Variants in APOBR observed in about 807,000 individuals in gnomAD.
The protein encoded by APOBR is apolipoprotein B receptor.
APOBR carries 57 observed loss-of-function variants against 88.5 expected under a neutral mutation model. That is an observed-to-expected ratio of 0.64 (90% confidence interval 0.52 to 0.80). The LOEUF (loss-of-function observed/expected upper bound fraction) is 0.80. Among genes scored for constraint, APOBR ranks in the 30% least tolerant of loss-of-function variants. APOBR has a pLI of 0.00. For missense variants in APOBR, 1,443 were observed against 1,401.6 expected (o/e 1.03, Z -0.47); for synonymous variants, 588 against 572.7 (o/e 1.03, Z -0.38).
rs1319676573 is a variant in APOBR at position 28,497,827 on chromosome 16, G to A, written c.2786G>A (p.Arg929Lys). 3 of 1,608,570 alleles carry A rather than the reference G, an allele frequency of 1.9e-6. No individual in the cohort carries two copies. Among genetic ancestry groups the A allele is most frequent in the African/African-American group, 1.3e-5 (1 of 74,864 alleles). ...AEGLMVTGGR[R>K]AEAKETEPES... ...GGTCTCATGGTGACCGGGGGCCGGA[G>A]GGCAGAGGCCAAGGAGACTGAGCCA... Residue 929 changes from arginine (R) to lysine (K), a missense_variant, in exon 2 of 4, where the codon AGG becomes AAG. Transcript: ENST00000564831.
In APOBR at chr16:28,495,481, G is replaced by A. The variant is rs2046381987; in HGVS notation, c.440G>A (p.Gly147Glu). Reference protein sequence around the residue: ...EARKKSKAGSGACQDRSGQAQ... With the variant: ...EARKKSKAGSEACQDRSGQAQ... The stretch of plus-strand genomic sequence containing the variant: ...AGAAAGAAATCCAAGGCAGGGTCTG[G>A]GGCTTGCCAAGACAGGAGCGGCCAA... The change falls in exon 2 of 4, where the codon GGG becomes GAG. Residue 147 changes from glycine (G) to glutamate (E), a missense_variant. Gly to Glu is a moderately conservative substitution (Grantham distance 98). Coordinates refer to ENST00000564831, the MANE Select transcript of APOBR (RefSeq NM_018690.4). 6.4e-7 allele frequency: 1 copy of A among 1,565,230 alleles called. No homozygotes were observed. Among genetic ancestry groups the A allele is most frequent in the African/African-American group, 1.4e-5 (1 of 73,834 alleles).
rs1318790854 is a variant in APOBR, at chr16:28,498,071, T to A, written c.2956-10T>A. ...CGGCCCCATGGTCCTCTGTGCCCCC[T>A]TTCCTGCAGGCCCCGCTCCCCGGGT... is the stretch of plus-strand genomic sequence containing the variant. On this transcript the variant is annotated splice_polypyrimidine_tract_variant and intron_variant, in intron 2 of 3. Transcript: ENST00000564831. The A allele has an allele frequency of 5.8e-6, 9 of 1,543,350 alleles. No homozygotes were observed. In the Admixed American group the frequency reaches 1.6e-4, roughly 27 times the overall value.
Position 28,498,168 on chromosome 16 carries a change from C to T in APOBR, c.3043C>T (p.Pro1015Ser), listed in dbSNP as rs778125472. Residue 1015 changes from proline (P) to serine (S), a missense_variant, in exon 3 of 4, where the codon CCC becomes TCC. Pro to Ser is a moderately conservative substitution (Grantham distance 74, BLOSUM62 -1). Transcript: ENST00000564831. ...AAGCTCCTCACAGCGTCGCTCCCGG[C>T]CCTCTTTTCGTCGGACTCCGGCCTG... ...SRSSSQRRSR[P>S]SFRRTPAWEQ... 6.2e-7 allele frequency: 1 copy of T among 1,601,916 alleles called. No individual in the cohort carries two copies. Among genetic ancestry groups the T allele is most frequent in the Non-Finnish European group, 8.5e-7 (1 of 1,179,154 alleles).
chr16:28,495,904 G>A lies in APOBR; in HGVS notation c.863G>A (p.Gly288Asp). 1 of 1,612,418 alleles carries A rather than the reference G, an allele frequency of 6.2e-7. No individual in the cohort carries two copies. Among genetic ancestry groups the A allele is most frequent in the Non-Finnish European group, 8.5e-7 (1 of 1,179,276 alleles). Reference protein sequence around the residue: ...LGREEARTTPGREEARAILDG... With the variant: ...LGREEARTTPDREEARAILDG... ...AGAGAGGAGGCCAGGACAACCCCAGGTAGGGAAGAGGCCAGGGCAATTTTA... is the reference window on the plus strand; with the variant it reads ...AGAGAGGAGGCCAGGACAACCCCAGATAGGGAAGAGGCCAGGGCAATTTTA... Residue 288 changes from glycine to aspartate, a missense_variant, in exon 2 of 4, where the codon GGT (glycine) becomes GAT (aspartate). Transcript: ENST00000564831.
Position 28,496,251 on chromosome 16 carries a change from G to A in APOBR, c.1210G>A (p.Gly404Arg), listed in dbSNP as rs1250951493. 2 of 1,604,030 alleles carry A rather than the reference G, an allele frequency of 1.2e-6. No homozygotes were observed. The highest frequency in any genetic ancestry group is 8.5e-7 in the Non-Finnish European group (1 of 1,175,652). ...VPGERLLEAT[G>R]KVWVLEEEGD... ...AGGAGAAAGGCTCCTAGAGGCTACTGGAAAAGTCTGGGTCCTAGAGGAGGA... is the reference window on the plus strand; with the variant it reads ...AGGAGAAAGGCTCCTAGAGGCTACTAGAAAAGTCTGGGTCCTAGAGGAGGA... The change falls in exon 2 of 4, where the codon GGA becomes AGA. Residue 404 changes from glycine (G) to arginine (R), a missense_variant. Physicochemically the swap from Gly to Arg is moderately radical, Grantham distance 125 (BLOSUM62 -2). Transcript: ENST00000564831.
Position 28,497,285 on chromosome 16 carries a change from C to T in APOBR, c.2244C>T (p.Gly748=), listed in dbSNP as rs1356702557. 3.1e-6 allele frequency: 5 copies of T among 1,591,970 alleles called. No individual in the cohort carries two copies. Among genetic ancestry groups the T allele is most frequent in the Admixed American group, 1.8e-5 (1 of 55,376 alleles). Residue 748 remains glycine (G), a synonymous_variant, in exon 2 of 4, where the codon GGC becomes GGT. Coordinates refer to ENST00000564831, the MANE Select transcript of APOBR (RefSeq NM_018690.4). ...GGAGGCTGCAAGCGGTGGCTGTGGG[C>T]CTCCCGGACCGTGAGGATGCACAGA... ...RGWRLQAVAV[G]LPDREDAQTG...
At position 28,497,041 on chromosome 16, in the gene APOBR, A is replaced by T; in HGVS notation, c.2000A>T (p.Glu667Val). ...GCGGCTGAGGCTGAAGGAGACCGAGAGTCTGAACTATCAGAAGTCCCAGAG... is the reference window on the plus strand; with the variant it reads ...GCGGCTGAGGCTGAAGGAGACCGAGTGTCTGAACTATCAGAAGTCCCAGAG... ...TLAAEAEGDRESELSEVPEAG... is the reference protein window; with the variant it reads ...TLAAEAEGDRVSELSEVPEAG... The change falls in exon 2 of 4, where the codon GAG becomes GTG. Residue 667 changes from glutamate (E) to valine (V), a missense_variant. Transcript: ENST00000564831. 1.9e-6 allele frequency: 3 copies of T among 1,587,314 alleles called. No homozygotes were observed. The South Asian group carries it at 3.4e-5, about 18-fold the overall frequency.
chr16:28,497,917 C>A lies in APOBR; in HGVS notation c.2876C>A (p.Ala959Glu), dbSNP rs201246198. 3 of 1,613,498 alleles carry A rather than the reference C, an allele frequency of 1.9e-6. No homozygotes were observed. The South Asian group carries it at 3.3e-5, about 18-fold the overall frequency. The change falls in exon 2 of 4, where the codon GCG becomes GAG. Residue 959 changes from alanine to glutamate, a missense_variant. By Grantham distance (107) the Ala-to-Glu change is moderately radical. Transcript: ENST00000564831. ...QPTHQAPAEAAPESVGEAETA... is the reference protein window; with the variant it reads ...QPTHQAPAEAEPESVGEAETA... ...ACACACCAGGCCCCTGCAGAAGCTG[C>A]GCCGGAGTCAGTCGGGGAAGCCGAG...
rs977089132 is a variant in APOBR, at chr16:28,495,340, C to G, written c.299C>G (p.Thr100Ser). Residue 100 changes from threonine to serine, a missense_variant, in exon 2 of 4, where the codon ACC becomes AGC. Thr to Ser is a moderately conservative substitution (Grantham distance 58, BLOSUM62 1). Transcript: ENST00000564831. ...GTGGGGAGCTCAGCTGTAGAACAGA[C>G]CTGGGGCTGGGGAGATGGCAGCTCC... ...HEVGSSAVEQTWGWGDGSSHG... is the reference protein window; with the variant it reads ...HEVGSSAVEQSWGWGDGSSHG... 8.3e-6 allele frequency: 13 copies of G among 1,556,922 alleles called. No homozygotes were observed. Among genetic ancestry groups the G allele is most frequent in the Non-Finnish European group, 1.1e-5 (13 of 1,151,234 alleles).
rs562680601 is a variant in APOBR, at chr16:28,496,866, G to A, written c.1825G>A (p.Ala609Thr). 27 of 1,559,414 alleles carry A rather than the reference G, an allele frequency of 1.7e-5. No homozygotes were observed. The highest frequency in any genetic ancestry group is 3.3e-4 in the Middle Eastern group (2 of 5,984). Residue 609 changes from alanine to threonine, a missense_variant, in exon 2 of 4, where the codon GCG (alanine) becomes ACG (threonine). By Grantham distance (58) the Ala-to-Thr change is moderately conservative. Coordinates refer to ENST00000564831, the MANE Select transcript of APOBR (RefSeq NM_018690.4). ...ERSLEAGPRH[A>T]GSVKPEASEA... ...GAGCCTGGAGGCAGGTCCCAGGCAC[G>A]CGGGGTCTGTAAAGCCTGAGGCCTC...
In APOBR at chr16:28,495,322, G is replaced by T. The variant is rs2046380444; in HGVS notation, c.281G>T (p.Ser94Ile). Residue 94 changes from serine (S) to isoleucine (I), a missense_variant, in exon 2 of 4, where the codon AGC becomes ATC. Physicochemically the swap from Ser to Ile is moderately radical, Grantham distance 142 (BLOSUM62 -2). Coordinates refer to ENST00000564831, the MANE Select transcript of APOBR (RefSeq NM_018690.4). ...PGDDRRHEVGSSAVEQTWGWG... is the reference protein window; with the variant it reads ...PGDDRRHEVGISAVEQTWGWG... ...GATGACAGAAGACATGAAGTGGGGA[G>T]CTCAGCTGTAGAACAGACCTGGGGC... 1 of 1,546,638 alleles carries T rather than the reference G, an allele frequency of 6.5e-7. No homozygotes were observed. Among genetic ancestry groups the T allele is most frequent in the Non-Finnish European group, 8.7e-7 (1 of 1,146,320 alleles).
At position 28,495,549 on chromosome 16, in the gene APOBR, G is replaced by C; in HGVS notation, c.508G>C (p.Glu170Gln). The change falls in exon 2 of 4, where the codon GAA (glutamate) becomes CAA (glutamine). Residue 170 changes from glutamate (E) to glutamine (Q), a missense_variant. Transcript: ENST00000564831. ...QESHEQEVNR[E>Q]ERLRSWEQEE... is the part of the protein sequence containing the mutation. ...GTCCCATGAGCAGGAAGTGAACAGA[G>C]AAGAGAGGCTGAGAAGCTGGGAACA... The C allele has an allele frequency of 6.4e-7, 1 of 1,568,004 alleles. No individual in the cohort carries two copies. Among genetic ancestry groups the C allele is most frequent in the Non-Finnish European group, 8.6e-7 (1 of 1,156,638 alleles).
Position 28,497,797 on chromosome 16 carries a change from C to A in APOBR, c.2756C>A (p.Ala919Glu). 6.2e-7 allele frequency: 1 copy of A among 1,605,222 alleles called. No individual in the cohort carries two copies. Among genetic ancestry groups the A allele is most frequent in the Admixed American group, 1.7e-5 (1 of 57,928 alleles). The change falls in exon 2 of 4, where the codon GCA (alanine) becomes GAA (glutamate). Residue 919 changes from alanine (A) to glutamate (E), a missense_variant. Transcript: ENST00000564831. ...GGAGAGGCACCAAGGCTCCTTGATG[C>A]AGAGGGTCTCATGGTGACCGGGGGC... ...PEGEAPRLLD[A>E]EGLMVTGGRR...
Position 28,496,244 on chromosome 16 carries a change from G to A in APOBR, c.1203G>A (p.Glu401=). 1.2e-6 allele frequency: 2 copies of A among 1,604,088 alleles called. No homozygotes were observed. Among genetic ancestry groups the A allele is most frequent in the Non-Finnish European group, 1.7e-6 (2 of 1,175,682 alleles). Residue 401 remains glutamate (E), a synonymous_variant, in exon 2 of 4, where the codon GAG becomes GAA. Transcript: ENST00000564831. The part of the protein sequence containing the change: ...YGAVPGERLL[E]ATGKVWVLEE... The stretch of plus-strand genomic sequence containing the variant: ...CAGTCCCAGGAGAAAGGCTCCTAGA[G>A]GCTACTGGAAAAGTCTGGGTCCTAG...
Position 28,497,591 on chromosome 16 carries a change from G to C in APOBR, c.2550G>C (p.Glu850Asp). Residue 850 changes from glutamate (E) to aspartate (D), a missense_variant, in exon 2 of 4, where the codon GAG (glutamate) becomes GAC (aspartate). Transcript: ENST00000564831. ...AGGCCGAGGAATCTGCAGGCGCAGA[G>C]GACAGCTGTGGGCTGGATCCCGCGG... Reference protein sequence around the residue: ...RVEAEESAGAEDSCGLDPAGS... With the variant: ...RVEAEESAGADDSCGLDPAGS... The C allele has an allele frequency of 6.2e-7, 1 of 1,605,982 alleles. No homozygotes were observed. Among genetic ancestry groups the C allele is most frequent in the Non-Finnish European group, 8.5e-7 (1 of 1,176,104 alleles).
Position 28,496,196 on chromosome 16 carries a change from A to G in APOBR, c.1155A>G (p.Gly385=). Residue 385 remains glycine (G), a synonymous_variant, in exon 2 of 4, where the codon GGA becomes GGG. Coordinates refer to ENST00000564831, the MANE Select transcript of APOBR (RefSeq NM_018690.4). ...GCAAAGAGGAGGCTGACCTGCTGGG[A>G]GTCAGACAGACAGAATATGGAGCAG... ...TSGKEEADLL[G]VRQTEYGAVP... The G allele has an allele frequency of 6.4e-7, 1 of 1,573,948 alleles. No individual in the cohort carries two copies. The highest frequency in any genetic ancestry group is 8.6e-7 in the Non-Finnish European group (1 of 1,162,280).
rs745696298 is a variant in APOBR at position 28,497,752 on chromosome 16, G to A, written c.2711G>A (p.Cys904Tyr). ...CAGAGGGAAGACAGTGAGGGGCGGTGTGGGGACTACCACCCTGAGGGAGAG... is the reference window on the plus strand; with the variant it reads ...CAGAGGGAAGACAGTGAGGGGCGGTATGGGGACTACCACCCTGAGGGAGAG... Reference protein sequence around the residue: ...REQREDSEGRCGDYHPEGEAP... With the variant: ...REQREDSEGRYGDYHPEGEAP... The change falls in exon 2 of 4, where the codon TGT becomes TAT. Residue 904 changes from cysteine to tyrosine, a missense_variant. Transcript: ENST00000564831. 5 of 1,604,302 alleles carry A rather than the reference G, an allele frequency of 3.1e-6. No homozygotes were observed. The highest frequency in any genetic ancestry group is 2.2e-5 in the East Asian group (1 of 44,554).
In APOBR at chr16:28,495,933, G is replaced by T; in HGVS notation, c.892G>T (p.Gly298Trp). Residue 298 changes from glycine (G) to tryptophan (W), a missense_variant, in exon 2 of 4, where the codon GGG becomes TGG. Coordinates refer to ENST00000564831, the MANE Select transcript of APOBR (RefSeq NM_018690.4). Reference sequence around the variant, plus strand: ...GGAAGAGGCCAGGGCAATTTTAGATGGGGAGGAAGCCAGGACAATCTCAGG... The same window carrying T: ...GGAAGAGGCCAGGGCAATTTTAGATTGGGAGGAAGCCAGGACAATCTCAGG... ...GREEARAILD[G>W]EEARTISGGE... 6.2e-7 allele frequency: 1 copy of T among 1,613,106 alleles called. No individual in the cohort carries two copies. Among genetic ancestry groups the T allele is most frequent in the Non-Finnish European group, 8.5e-7 (1 of 1,179,572 alleles).
Position 28,498,719 on chromosome 16 carries a change from C to A in APOBR, c.*214C>A. 1 of 624,928 alleles carries A rather than the reference C, an allele frequency of 1.6e-6. No individual in the cohort carries two copies. The highest frequency in any genetic ancestry group is 2.8e-6 in the Non-Finnish European group (1 of 360,414). The allele number at this position is 624,928 out of a possible 1,614,324, so 38.7% of individuals were successfully genotyped here. A position where few individuals can be genotyped will look rare whatever the true frequency, so the allele number is the denominator to read the frequency against. On this transcript the variant is annotated 3_prime_UTR_variant, in exon 4 of 4. Transcript: ENST00000564831. ...TGATTCTCCGACACAGGCTGGTGGA[C>A]CACCTACCCCACTGAGACCACCTCT...
Sources: allele counts gnomAD v4.1 joint callset, GRCh38; gene constraint gnomAD v4.1.1; transcripts MANE v1.5; gene names NCBI Gene and HGNC (gene_info 2026-07-23, HGNC 2026-07-21).